Variants in ATP2B2 observed in about 807,000 individuals in gnomAD.
The protein encoded by ATP2B2 is plasma membrane calcium-transporting ATPase 2.
In ATP2B2, 15 loss-of-function variants were observed where a neutral mutation model predicts 120.0. The ratio of observed to expected loss-of-function variants is 0.12; its 90% confidence interval spans 0.08 to 0.19. ATP2B2 has a LOEUF of 0.19. ATP2B2 is among the 10% of genes least tolerant of loss of function. The pLI, the probability that ATP2B2 is intolerant of heterozygous loss-of-function variation, is 1.00. For missense variants in ATP2B2, 1,045 were observed against 1,719.8 expected (o/e 0.61, Z 6.94); for synonymous variants, 694 against 700.3 (o/e 0.99, Z 0.14).
intron 1 of ATP2B2, chr3:10,626,593 A>T (rs1034038086): frequency 6.6e-6 from 1 of 151,560 alleles, no homozygotes; most frequent in African/African-American, 2.4e-5. Context: ...GGATGGATGG[A>T]TGGATGGATG....
intron 1 of ATP2B2, among the ~76,000 whole-genome samples, chr3:10,684,789 C>G (rs1190615927): frequency 1.3e-5 from 2 of 152,168 alleles, no homozygotes; most frequent in Admixed American, 1.3e-4. Flanking sequence ...GCAACAAAGT[C>G]TAATTAAGTC....
chr3:10,331,277 T>C lies in ATP2B2; in HGVS notation c.3421-2152A>G, dbSNP rs556668722. 7.9e-5 allele frequency among the ~76,000 whole-genome samples: 12 copies of C among 152,350 alleles called. No individual in the cohort carries two copies. The South Asian group carries it at 2.3e-3, about 29-fold the overall frequency. ...CTCCTGAAAAGTGAGCCGTTACACCTTGATTAACTGAAAACAAAGAAGGCG... is the reference window on the plus strand; with the variant it reads ...CTCCTGAAAAGTGAGCCGTTACACCCTGATTAACTGAAAACAAAGAAGGCG... On this transcript the variant is annotated intron_variant, in intron 22 of 22. Coordinates refer to ENST00000360273, the MANE Select transcript of ATP2B2 (RefSeq NM_001001331.4).
Position 10,449,579 on chromosome 3 carries a change from G to A in ATP2B2, c.-36C>T. The A allele has an allele frequency of 6.2e-7, 1 of 1,612,428 alleles. No homozygotes were observed. The highest frequency in any genetic ancestry group is 1.1e-5 in the South Asian group (1 of 91,042). ...GTCCTTGCTCGGGCTGGGCCCAAGGGTCAGCGCTGGACAAGAGGCTGCCGG... is the reference window on the plus strand; with the variant it reads ...GTCCTTGCTCGGGCTGGGCCCAAGGATCAGCGCTGGACAAGAGGCTGCCGG... On this transcript the variant is annotated 5_prime_UTR_variant, in exon 2 of 23. Transcript: ENST00000360273.
chr3:10,423,976 C>A (rs1282509834), intron 2 of ATP2B2, among the ~76,000 whole-genome samples: 2 of 152,120 alleles, frequency 1.3e-5, no homozygotes, highest in Admixed American at 1.3e-4. Flanking sequence ...CAAATGTTAC[C>A]CCCCGCAGTG....
chr3:10,641,399 C>T (rs1200510974), intron 1 of ATP2B2, among the ~76,000 whole-genome samples: 2 of 152,208 alleles, frequency 1.3e-5, no homozygotes, highest in African/African-American at 4.8e-5. Flanking sequence ...ACATGGACAG[C>T]TGACCCTCAG....
chr3:10,562,758 T>TA (rs2067931085), intron 2 of ATP2B2, among the ~76,000 whole-genome samples: 1 of 152,212 alleles, frequency 6.6e-6, no homozygotes, highest in Non-Finnish European at 1.5e-5. Context: ...CAACGTTGCT[T>TA]ATTAGAAAAA....
chr3:10,446,534 G>A (rs925045415), intron 2 of ATP2B2, among the ~76,000 whole-genome samples: 1 of 152,214 alleles, frequency 6.6e-6, no homozygotes, highest in Non-Finnish European at 1.5e-5. Context: ...AAGAGTTTGA[G>A]TAACTTGCCC....
chr3:10,359,142 T>C (rs1185302272), intron 13 of ATP2B2, among the ~76,000 whole-genome samples: 1 of 152,220 alleles, frequency 6.6e-6, no homozygotes, highest in Non-Finnish European at 1.5e-5. Flanking sequence ...TATTATATAC[T>C]CACAAGATTC....
intron 1 of ATP2B2, among the ~76,000 whole-genome samples, chr3:10,654,363 A>C (rs946524297): frequency 1.3e-5 from 2 of 152,142 alleles, no homozygotes; most frequent in African/African-American, 4.8e-5. Flanking sequence ...GACACATAAA[A>C]GGTCTTGATA....
chr3:10,370,073 CCT>C (rs1422957299), intron 12 of ATP2B2, among the ~76,000 whole-genome samples: 2 of 152,212 alleles, frequency 1.3e-5, no homozygotes, highest in African/African-American at 4.8e-5. Context: ...CCGACTGACC[CCT>C]GTCCTTTATG....
At chr3:10,676,832 G>A (rs1014325421) in intron 1 of ATP2B2, among the ~76,000 whole-genome samples, 15 of 152,150 alleles carry the variant, frequency 9.9e-5, no homozygotes, top group African/African-American at 2.4e-4. Context: ...TAAATTATGC[G>A]GAAGGTGATT....
chr3:10,542,625 TTGA>T (rs773425368), intron 2 of ATP2B2, among the ~76,000 whole-genome samples: 1 of 152,172 alleles, frequency 6.6e-6, no homozygotes, highest in Non-Finnish European at 1.5e-5. Context: ...GGACTCTGGG[TTGA>T]TAGTTCTATT....
chr3:10,377,565 G>C (rs924410819), intron 10 of ATP2B2, among the ~76,000 whole-genome samples: 5 of 152,244 alleles, frequency 3.3e-5, no homozygotes, highest in African/African-American at 1.2e-4. Flanking sequence ...TTGCAGCTGG[G>C]CCAGCGGGGC....
intron 3 of ATP2B2, among the ~76,000 whole-genome samples, chr3:10,533,188 G>A (rs1286356977): frequency 6.6e-6 from 1 of 152,188 alleles, no homozygotes; most frequent in East Asian, 1.9e-4. Context: ...GGAGCACAGA[G>A]GAAGACATGG....
intron 8 of ATP2B2, among the ~76,000 whole-genome samples, chr3:10,382,289 G>A (rs2061554068): frequency 6.9e-6 from 1 of 144,666 alleles, no homozygotes; most frequent in African/African-American, 2.7e-5. Flanking sequence ...TCCTGCTTCG[G>A]CCTCCCAAAG....
At chr3:10,499,604 T>A (rs1442557865) in intron 1 of ATP2B2, among the ~76,000 whole-genome samples, 1 of 152,182 alleles carries the variant, frequency 6.6e-6, no homozygotes, top group East Asian at 1.9e-4. Flanking sequence ...ACAATGACGT[T>A]CACAGAGTCA....
chr3:10,338,170 C>G lies in ATP2B2; in HGVS notation c.3420+6G>C. Reference sequence around the variant, plus strand: ...CCTGGGCCCAGCCCCCAAGAGCCTCCTGTACCTGTGTCTGGATCCGATTCA... The same window carrying G: ...CCTGGGCCCAGCCCCCAAGAGCCTCGTGTACCTGTGTCTGGATCCGATTCA... On this transcript the variant is annotated splice_donor_region_variant and intron_variant, in intron 22 of 22. Transcript: ENST00000360273. The G allele has an allele frequency of 6.2e-7, 1 of 1,613,924 alleles. No individual in the cohort carries two copies. Among genetic ancestry groups the G allele is most frequent in the Non-Finnish European group, 8.5e-7 (1 of 1,180,014 alleles).
intron 1 of ATP2B2, among the ~76,000 whole-genome samples, chr3:10,689,332 C>T (rs2071600178): frequency 1.3e-5 from 2 of 152,148 alleles, no homozygotes; most frequent in South Asian, 2.1e-4. Flanking sequence ...TGCCTCTCCA[C>T]ACCTTAGTTT....
At chr3:10,361,990 G>A (rs1435911995) in intron 12 of ATP2B2, among the ~76,000 whole-genome samples, 1 of 152,114 alleles carries the variant, frequency 6.6e-6, no homozygotes, top group Non-Finnish European at 1.5e-5. Context: ...TTTGCAGGTG[G>A]CTCCCATGTG....
Sources: allele counts gnomAD v4.1 joint callset (sites outside exome capture counted in the v4.1 genomes callset), GRCh38; gene constraint gnomAD v4.1.1; transcripts MANE v1.5; gene names NCBI Gene and HGNC (gene_info 2026-07-23, HGNC 2026-07-21).